The following ANKS1A variants were observed in gnomAD, a reference collection of about 807,000 sequenced individuals.
ANKS1A encodes the protein ankyrin repeat and sterile alpha motif domain containing 1A.
ANKS1A carries 55 observed loss-of-function variants against 120.3 expected under a neutral mutation model. The ratio of observed to expected loss-of-function variants is 0.46; its 90% CI spans 0.37 to 0.57. ANKS1A has a LOEUF of 0.57. ANKS1A is among the 20% of genes least tolerant of loss of function. The pLI is 0.00. For synonymous variants in ANKS1A, 590 were observed against 604.7 expected (o/e 0.98, Z 0.36); for missense variants, 1,123 against 1,480.3 (o/e 0.76, Z 3.96).
chr6:35,048,711 A>AT lies in ANKS1A; in HGVS notation c.2011-5386dup, dbSNP rs545230454. On this transcript the variant is annotated intron_variant, in intron 11 of 23. Transcript: ENST00000360359. ...AGGCAGAAGACAGAGATGGTGATGA[A>AT]TTCTTATGTGGTTTCTGGGCCTGAG... is the stretch of plus-strand genomic sequence containing the variant. Among the ~76,000 whole-genome samples, 44 of 152,258 alleles carry AT rather than the reference A, an allele frequency of 2.9e-4. No individual in the cohort carries two copies. The East Asian group carries it at 7.7e-3, about 27-fold the overall frequency.
At chr6:35,019,459 C>T (rs1467758765) in intron 11 of ANKS1A, among the ~76,000 whole-genome samples, 1 of 152,100 alleles carries the variant, frequency 6.6e-6, no homozygotes, top group Non-Finnish European at 1.5e-5. Context: ...GCGCTACCTC[C>T]AGATAAGGTA....
At position 35,090,370 on chromosome 6, in the gene ANKS1A, G is replaced by T. The variant is rs1031885758; in HGVS notation, c.*1761G>T. The T allele has an allele frequency of 8.0e-7, 1 of 1,250,876 alleles. No homozygotes were observed. Among genetic ancestry groups the T allele is most frequent in the Non-Finnish European group, 1.0e-6 (1 of 968,312 alleles). 77.5% of individuals were successfully genotyped at this position (1,250,876 alleles called of 1,614,324 possible). ...CTGGTGCCCGTCTTCCTCCTAAGGG[G>T]CCAGGCCACATCCAAGTGGGCCTCT... On this transcript the variant is annotated 3_prime_UTR_variant, in exon 24 of 24. Coordinates refer to ENST00000360359, the MANE Select transcript of ANKS1A (RefSeq NM_015245.3).
intron 1 of ANKS1A, among the ~76,000 whole-genome samples, chr6:34,894,291 G>A (rs1446932054): frequency 6.6e-6 from 1 of 152,148 alleles, no homozygotes; most frequent in Non-Finnish European, 1.5e-5. Context: ...TAAGAATATT[G>A]TAAGATTTGG....
chr6:34,993,246 C>T (rs1390367577), intron 9 of ANKS1A, among the ~76,000 whole-genome samples: 1 of 152,212 alleles, frequency 6.6e-6, no homozygotes, highest in Non-Finnish European at 1.5e-5. Flanking sequence ...CCAGAATTAT[C>T]CTCTAAAGCA....
rs190999981 is a variant in ANKS1A, at chr6:35,076,683, C to T, written c.2185-1875C>T. On this transcript the variant is annotated intron_variant, in intron 13 of 23. Coordinates refer to ENST00000360359, the MANE Select transcript of ANKS1A (RefSeq NM_015245.3). ...TTACCCTGTCGCCCAGGCTAGAGTG[C>T]AGTGGCGTGATCTCGGCTCACTGTA... 9.2e-5 allele frequency among the ~76,000 whole-genome samples: 14 copies of T among 152,294 alleles called. No individual in the cohort carries two copies. The South Asian group carries it at 1.2e-3, about 14-fold the overall frequency.
At position 35,082,848 on chromosome 6, in the gene ANKS1A, G is replaced by A; in HGVS notation, c.2835+32G>A. The A allele has an allele frequency of 6.3e-7, 1 of 1,596,688 alleles. No homozygotes were observed. The highest frequency in any genetic ancestry group is 8.5e-7 in the Non-Finnish European group (1 of 1,171,446). ...TGCTCCCACCCTCCCAGCAGGGCCGGCCTCCCTGCTCCTTCTCGGCCAGGC... is the reference window on the plus strand; with the variant it reads ...TGCTCCCACCCTCCCAGCAGGGCCGACCTCCCTGCTCCTTCTCGGCCAGGC... On this transcript the variant is annotated intron_variant, in intron 18 of 23. Transcript: ENST00000360359. This position sits in a 1 kb window ranked among gnomAD's most constrained non-coding sequence, Gnocchi z 4.1.
intron 11 of ANKS1A, among the ~76,000 whole-genome samples, chr6:35,051,241 A>G (rs1775947856): frequency 6.6e-6 from 1 of 152,118 alleles, no homozygotes; most frequent in Admixed American, 6.5e-5. Flanking sequence ...CTGCTGGCCT[A>G]TGTCAGTTGA....
At chr6:35,072,841 G>C (rs75997394) in intron 13 of ANKS1A, among the ~76,000 whole-genome samples, 1 of 152,200 alleles carries the variant, frequency 6.6e-6, no homozygotes, top group African/African-American at 2.4e-5. Flanking sequence ...GCCCAGGACG[G>C]GTGTCCTGCT....
At chr6:34,949,354 G>A (rs1769957382) in intron 1 of ANKS1A, among the ~76,000 whole-genome samples, 1 of 152,176 alleles carries the variant, frequency 6.6e-6, no homozygotes, top group Non-Finnish European at 1.5e-5. Context: ...TAGATGTGGA[G>A]GTCCTTACTG....
At chr6:35,032,826 T>C (rs773770567) in intron 11 of ANKS1A, among the ~76,000 whole-genome samples, 8 of 152,236 alleles carry the variant, frequency 5.3e-5, no homozygotes, top group Non-Finnish European at 1.2e-4. Flanking sequence ...ATTTGCTTCA[T>C]AGATGTGAGC....
chr6:35,040,418 G>A (rs1454398101), intron 11 of ANKS1A, among the ~76,000 whole-genome samples: 1 of 152,178 alleles, frequency 6.6e-6, no homozygotes, highest in East Asian at 1.9e-4. Context: ...AGAGCCCAAG[G>A]GCCAAGTTTG....
intron 1 of ANKS1A, among the ~76,000 whole-genome samples, chr6:34,937,128 A>C (rs1192772371): frequency 6.6e-6 from 1 of 152,118 alleles, no homozygotes; most frequent in Non-Finnish European, 1.5e-5. Context: ...TTGGATGTGT[A>C]GTGCTGAAAG....
intron 8 of ANKS1A, among the ~76,000 whole-genome samples, chr6:34,988,367 C>T (rs547847559): frequency 2.6e-5 from 4 of 152,296 alleles, no homozygotes; most frequent in Non-Finnish European, 4.4e-5. Context: ...GAGGCCAAGG[C>T]GGGTGGATCA....
chr6:34,921,429 A>T (rs2127465489), intron 1 of ANKS1A, among the ~76,000 whole-genome samples: 1 of 152,384 alleles, frequency 6.6e-6, no homozygotes. Context: ...GCTGATGAGC[A>T]ACTTAATGTC....
chr6:34,893,245 A>C (rs1766911249), intron 1 of ANKS1A, among the ~76,000 whole-genome samples: 1 of 152,230 alleles, frequency 6.6e-6, no homozygotes, highest in Non-Finnish European at 1.5e-5. Context: ...TCAGTTCAGC[A>C]CATACGGTTT....
At chr6:35,027,485 A>ATG (rs1224152232) in intron 11 of ANKS1A, among the ~76,000 whole-genome samples, 1 of 152,194 alleles carries the variant, frequency 6.6e-6, no homozygotes, top group Non-Finnish European at 1.5e-5. Context: ...GCATGCACGC[A>ATG]TGTGTGTGTA....
rs559497548 is a variant in ANKS1A, at chr6:34,973,141, T to C, written c.435+2975T>C. ...TGGAGATGTGGAGGAAAGGACATGG[T>C]TGATCCGTTTTATTCCTTTAAAAGC... On this transcript the variant is annotated intron_variant, in intron 3 of 23. Coordinates refer to ENST00000360359, the MANE Select transcript of ANKS1A (RefSeq NM_015245.3). Among the ~76,000 whole-genome samples, 7 of 152,294 alleles carry C rather than the reference T, an allele frequency of 4.6e-5. No individual in the cohort carries two copies. The South Asian group carries it at 1.2e-3, about 27-fold the overall frequency.
chr6:35,093,682 G>A (rs1778376596), downstream of ANKS1A, among the ~76,000 whole-genome samples: 1 of 152,034 alleles, frequency 6.6e-6, no homozygotes, highest in African/African-American at 2.4e-5. Flanking sequence ...TTCCCACTAA[G>A]TACGATTAAA....
chr6:35,091,883 G>A (rs1162140585), downstream of ANKS1A, among the ~76,000 whole-genome samples: 1 of 152,244 alleles, frequency 6.6e-6, no homozygotes, highest in Admixed American at 6.5e-5. Context: ...CTATGGTAGG[G>A]ATGCAGAGGG....
Sources: gnomAD v4.1 joint callset for allele counts (sites outside exome capture counted in the v4.1 genomes callset) on GRCh38, gnomAD v4.1.1 for gene constraint, Gnocchi (gnomAD v3.1) non-coding constraint, MANE v1.5 for transcripts, NCBI Gene and HGNC (gene_info 2026-07-23, HGNC 2026-07-21) for gene names.